The following ZFHX3 variants were observed in gnomAD, a reference collection of about 807,000 sequenced individuals.
ZFHX3 encodes the protein zinc finger homeobox protein 3.
A neutral mutation model predicts 279.1 loss-of-function variants in ZFHX3; 42 were observed. The observed-to-expected ratio is 0.15, with a 90% CI of 0.12 to 0.19. The LOEUF is 0.19. Ranked by LOEUF, ZFHX3 falls within the 10% of genes least tolerant of loss-of-function variation. The pLI is 1.00. For synonymous variants in ZFHX3, 2,293 were observed against 1,957.8 expected, an observed-to-expected ratio of 1.17 and a Z score of -4.52; for missense variants, 4,981 against 4,754.0, an observed-to-expected ratio of 1.05 and a Z score of -1.40.
chr16:73,379,062 C>G (rs141253850), intron 3 of ZFHX3, among the ~76,000 whole-genome samples: 3 of 152,146 alleles, frequency 2.0e-5, no homozygotes, highest in Admixed American at 2.0e-4. Flanking sequence ...GACGATCCCA[C>G]GAAGGAGGAT....
At chr16:73,073,507 T>C (rs1965849159) in intron 8 of ZFHX3, among the ~76,000 whole-genome samples, 1 of 152,172 alleles carries the variant, frequency 6.6e-6, no homozygotes, top group South Asian at 2.1e-4. Context: ...TTTTGTTTGT[T>C]TTGTTTTTTG....
chr16:73,382,164 T>C (rs1053615844), intron 3 of ZFHX3, among the ~76,000 whole-genome samples: 4 of 152,200 alleles, frequency 2.6e-5, no homozygotes, highest in Admixed American at 2.0e-4. Context: ...ATGTAAAACA[T>C]AAACCTCTTA....
At chr16:73,181,384 C>T (rs1317034722) in intron 5 of ZFHX3, among the ~76,000 whole-genome samples, 1 of 152,132 alleles carries the variant, frequency 6.6e-6, no homozygotes, top group Non-Finnish European at 1.5e-5. Context: ...GCCACCATGC[C>T]CAGCCAGCTG....
intron 3 of ZFHX3, among the ~76,000 whole-genome samples, chr16:73,424,465 A>G (rs1306433845): frequency 2.0e-5 from 3 of 152,154 alleles, no homozygotes; most frequent in African/African-American, 7.2e-5. Flanking sequence ...GAGCAACTCA[A>G]CAATCTGGGC....
intron 1 of ZFHX3, among the ~76,000 whole-genome samples, chr16:73,807,892 C>A (rs548182230): frequency 6.6e-6 from 1 of 151,974 alleles, no homozygotes; most frequent in Non-Finnish European, 1.5e-5. Context: ...TGCTAGGTTA[C>A]GTGTATCCAT....
intron 5 of ZFHX3, among the ~76,000 whole-genome samples, chr16:72,825,982 G>A (rs750834306): frequency 4.1e-4 from 63 of 152,106 alleles, no homozygotes; most frequent in Non-Finnish European, 7.4e-4. Context: ...GACTACGGGC[G>A]TTCCTGAAAT....
chr16:73,349,250 T>C (rs1043253769), intron 3 of ZFHX3, among the ~76,000 whole-genome samples: 1 of 152,112 alleles, frequency 6.6e-6, no homozygotes, highest in South Asian at 2.1e-4. Flanking sequence ...TCCCCGGGAA[T>C]TCCCCCAGCT....
intron 1 of ZFHX3, among the ~76,000 whole-genome samples, chr16:73,840,525 C>A (rs1266234560): frequency 6.6e-6 from 1 of 152,142 alleles, no homozygotes; most frequent in African/African-American, 2.4e-5. Context: ...ACAACAATGT[C>A]CTTTGATATA....
chr16:73,429,990 C>A (rs1451052005), intron 3 of ZFHX3, among the ~76,000 whole-genome samples: 10 of 152,120 alleles, frequency 6.6e-5, no homozygotes, highest in Non-Finnish European at 1.2e-4. Flanking sequence ...TGGGCTCAAG[C>A]GATCCTCCTG....
chr16:72,820,061 A>C (rs953472697), intron 5 of ZFHX3, among the ~76,000 whole-genome samples: 1 of 152,188 alleles, frequency 6.6e-6, no homozygotes, highest in African/African-American at 2.4e-5. Context: ...TCTTTGCTTC[A>C]GCCCTGGAAG....
chr16:73,445,105 A>G (rs2018159920), intron 3 of ZFHX3, among the ~76,000 whole-genome samples: 1 of 151,992 alleles, frequency 6.6e-6, no homozygotes, highest in African/African-American at 2.4e-5. Flanking sequence ...ATTGCACTTC[A>G]GCCTGGGTGA....
chr16:73,354,709 C>T (rs2016306959), intron 3 of ZFHX3, among the ~76,000 whole-genome samples: 1 of 152,198 alleles, frequency 6.6e-6, no homozygotes, highest in Non-Finnish European at 1.5e-5. Flanking sequence ...CTCATCCACC[C>T]TTCTTCCTGC....
chr16:73,108,131 A>AGCCTGG (rs1249950554), intron 7 of ZFHX3, among the ~76,000 whole-genome samples: 2 of 152,124 alleles, frequency 1.3e-5, no homozygotes, highest in Non-Finnish European at 2.9e-5. Context: ...ACTGCACTCC[A>AGCCTGG]GCCTGGGCGA....
chr16:73,447,702 A>C (rs2018211573), intron 3 of ZFHX3, among the ~76,000 whole-genome samples: 1 of 152,204 alleles, frequency 6.6e-6, no homozygotes, highest in African/African-American at 2.4e-5. Context: ...TGCTAAGAGG[A>C]AAGAAGGGTC....
chr16:73,866,836 C>T (rs1962035482), intron 1 of ZFHX3, among the ~76,000 whole-genome samples: 1 of 152,176 alleles, frequency 6.6e-6, no homozygotes, highest in Admixed American at 6.5e-5. Context: ...CAGCTACGGG[C>T]ATCTAGTGCT....
intron 5 of ZFHX3, among the ~76,000 whole-genome samples, chr16:73,218,279 A>G (rs1403496772): frequency 3.3e-5 from 5 of 152,228 alleles, no homozygotes; most frequent in African/African-American, 1.2e-4. Flanking sequence ...TTTGGCCTGA[A>G]TGATTAAAAG....
At chr16:73,518,759 G>C (rs2019565024) in intron 2 of ZFHX3, among the ~76,000 whole-genome samples, 1 of 152,144 alleles carries the variant, frequency 6.6e-6, no homozygotes, top group Non-Finnish European at 1.5e-5. Flanking sequence ...TCCCCGTTCT[G>C]CCGTATTGCC....
At chr16:73,670,192 A>G (rs1263270520) in intron 2 of ZFHX3, among the ~76,000 whole-genome samples, 2 of 152,190 alleles carry the variant, frequency 1.3e-5, no homozygotes, top group African/African-American at 2.4e-5. Flanking sequence ...TCCAGGACCA[A>G]AGACTACAGC....
intron 4 of ZFHX3, among the ~76,000 whole-genome samples, chr16:73,279,243 G>A (rs1427940132): frequency 6.6e-6 from 1 of 152,044 alleles, no homozygotes; most frequent in Non-Finnish European, 1.5e-5. Context: ...TCAGAAAACT[G>A]AGTCCCAGAT....
Sources: allele counts gnomAD v4.1 joint callset (sites outside exome capture counted in the v4.1 genomes callset), GRCh38; gene constraint gnomAD v4.1.1; transcripts MANE v1.5; gene names NCBI Gene and HGNC (gene_info 2026-07-23, HGNC 2026-07-21).